ITGB5: variants seen among roughly 807,000 people sequenced by gnomAD.
ITGB5 encodes integrin subunit beta 5.
Under a neutral mutation model 84.8 loss-of-function variants are expected in ITGB5, and 38 were observed. The observed-to-expected ratio is 0.45, with a 90% CI of 0.35 to 0.59. The LOEUF is 0.59. ITGB5 is among the 20% of genes least tolerant of loss of function. The pLI is 0.01. For synonymous variants in ITGB5, 393 were observed against 414.4 expected, an observed-to-expected ratio of 0.95 and a Z score of 0.63; for missense variants, 905 against 1,034.5, an observed-to-expected ratio of 0.87 and a Z score of 1.72.
At chr3:124,806,517 T>C (rs1393314210) in intron 9 of ITGB5, among the ~76,000 whole-genome samples, 1 of 137,848 alleles carries the variant, frequency 7.3e-6, no homozygotes, top group East Asian at 2.4e-4. Context: ...CACTGCAAGC[T>C]CCGCCTCCCG....
chr3:124,886,909 C>T (rs1461333701), intron 1 of ITGB5, 22 bp downstream of exon 1: 4 of 1,207,502 alleles, frequency 3.3e-6, no homozygotes, highest in East Asian at 3.3e-5. Context: ...TTTCTCTGGG[C>T]GCCGTGGGCG....
chr3:124,859,202 C>T (rs1445890842), intron 3 of ITGB5, 40 bp downstream of exon 3: 1 of 1,592,706 alleles, frequency 6.3e-7, no homozygotes, highest in East Asian at 2.2e-5. Flanking sequence ...ATGGGCCTTC[C>T]TGATCCCAGA....
At chr3:124,883,094 A>T (rs1018638426) in intron 1 of ITGB5, among the ~76,000 whole-genome samples, 3 of 152,224 alleles carry the variant, frequency 2.0e-5, no homozygotes, top group Admixed American at 2.0e-4. Flanking sequence ...ACCTGTGAAA[A>T]GAGACCCTAT....
At chr3:124,788,761 C>G (rs1438360013) in intron 10 of ITGB5, among the ~76,000 whole-genome samples, 3 of 152,206 alleles carry the variant, frequency 2.0e-5, no homozygotes, top group Admixed American at 2.0e-4. Context: ...TTGCTAGAAG[C>G]ATCTGGGTGA....
chr3:124,881,074 C>T (rs1359807083), intron 1 of ITGB5, among the ~76,000 whole-genome samples: 2 of 151,998 alleles, frequency 1.3e-5, no homozygotes, highest in African/African-American at 4.8e-5. Flanking sequence ...ACCTCGGCCT[C>T]CAAAGTTCAA....
chr3:124,839,250 C>A (rs1045917657), intron 5 of ITGB5, among the ~76,000 whole-genome samples: 2 of 152,190 alleles, frequency 1.3e-5, no homozygotes, highest in Non-Finnish European at 2.9e-5. Context: ...TCACAAAGTG[C>A]CTCTCCGTCA....
intron 1 of ITGB5, among the ~76,000 whole-genome samples, chr3:124,896,775 A>C (rs911019109): frequency 2.7e-5 from 4 of 150,530 alleles, no homozygotes; most frequent in East Asian, 2.0e-4. Context: ...GGAGAAGAAG[A>C]AGCTGGGCAT....
intron 9 of ITGB5, among the ~76,000 whole-genome samples, chr3:124,798,054 G>GATTTTTTTTTT (rs1559938870): frequency 1.2e-5 from 1 of 85,050 alleles, no homozygotes; most frequent in African/African-American, 5.3e-5. Context: ...CTAGAATAAA[G>GATTTTTTTTTT]CTTTTTTTTT....
At chr3:124,879,541 C>A (rs1934477032) in intron 1 of ITGB5, among the ~76,000 whole-genome samples, 1 of 152,216 alleles carries the variant, frequency 6.6e-6, no homozygotes, top group South Asian at 2.1e-4. Flanking sequence ...AGGTTCTATC[C>A]CAGCAGTTCT....
chr3:124,779,730 TTG>T (rs1321368996), intron 10 of ITGB5, among the ~76,000 whole-genome samples: 2 of 152,316 alleles, frequency 1.3e-5, no homozygotes, highest in African/African-American at 2.4e-5. Flanking sequence ...GGTAGGGTTG[TTG>T]TGTGAGTTAG....
chr3:124,838,413 A>AC (rs2064966226), intron 5 of ITGB5, among the ~76,000 whole-genome samples: 1 of 152,074 alleles, frequency 6.6e-6, no homozygotes, highest in African/African-American at 2.4e-5. Flanking sequence ...TACTGTCCAT[A>AC]TTGTTTTATA....
At chr3:124,864,096 C>CTTTTTT (rs558311822) in intron 2 of ITGB5, among the ~76,000 whole-genome samples, 7 of 45,530 alleles carry the variant, frequency 1.5e-4, no homozygotes, top group Non-Finnish European at 3.0e-4. Flanking sequence ...ACCTATATTT[C>CTTTTTT]TTTTTTTTTT....
At chr3:124,804,273 C>T (rs1464361075) in intron 9 of ITGB5, among the ~76,000 whole-genome samples, 1 of 152,168 alleles carries the variant, frequency 6.6e-6, no homozygotes, top group Non-Finnish European at 1.5e-5. Flanking sequence ...CCTGTAGTCC[C>T]AGTAGTTTGG....
upstream of ITGB5, chr3:124,887,847 G>A (rs955529029): frequency 3.2e-5 from 9 of 277,946 alleles, no homozygotes; most frequent in Non-Finnish European, 5.4e-5. Flanking sequence ...ACCGCAAAGC[G>A]ACTTCTGGAT....
chr3:124,862,066 A>G (rs946281126), intron 2 of ITGB5: 2 of 152,284 alleles, frequency 1.3e-5, no homozygotes, highest in African/African-American at 2.4e-5. Flanking sequence ...CAGAGCTTGA[A>G]GAGCTCAGGG....
chr3:124,779,737 A>C (rs2063975807), intron 10 of ITGB5, among the ~76,000 whole-genome samples: 1 of 152,154 alleles, frequency 6.6e-6, no homozygotes, highest in Non-Finnish European at 1.5e-5. Flanking sequence ...TTGTTGTGTG[A>C]GTTAGCTCGC....
upstream of ITGB5, among the ~76,000 whole-genome samples, chr3:124,889,015 C>T (rs190732855): frequency 2.6e-5 from 4 of 152,248 alleles, no homozygotes; most frequent in East Asian, 7.7e-4. Flanking sequence ...AATCTCAGGG[C>T]CCCCAAATCA....
chr3:124,806,497 G>C (rs1374085979), intron 9 of ITGB5, among the ~76,000 whole-genome samples: 1 of 138,992 alleles, frequency 7.2e-6, no homozygotes, highest in South Asian at 2.4e-4. Flanking sequence ...GCAGTGGCGC[G>C]ATCTCGGCTC....
In ITGB5 at chr3:124,762,185, G is replaced by A. The variant is rs1373034449; in HGVS notation, c.*1438C>T. 6.6e-6 allele frequency: 1 copy of A among 152,232 alleles called. No individual in the cohort carries two copies. Among genetic ancestry groups the A allele is most frequent in the Non-Finnish European group, 1.5e-5 (1 of 68,052 alleles). 9.4% of individuals were successfully genotyped at this position (152,232 alleles called of 1,614,324 possible). A position where few individuals can be genotyped will look rare whatever the true frequency, so the allele number is the denominator to read the frequency against. On this transcript the variant is annotated 3_prime_UTR_variant, in exon 15 of 15. Transcript: ENST00000296181. ...CAGGCATTTCACTATTTGACTTAGT[G>A]TTTGCCAAAATGAAGTAAGGGGAAT...
Sources: allele counts gnomAD v4.1 joint callset (sites outside exome capture counted in the v4.1 genomes callset), GRCh38; gene constraint gnomAD v4.1.1; transcripts MANE v1.5; gene names NCBI Gene and HGNC (gene_info 2026-07-23, HGNC 2026-07-21).